The following DOCK3 variants were observed in gnomAD, a reference collection of about 807,000 sequenced individuals.
DOCK3 encodes the protein dedicator of cytokinesis 3, also known as dedicator of cytokinesis protein 3.
A neutral mutation model predicts 265.6 loss-of-function variants in DOCK3; 60 were observed. The ratio of observed to expected loss-of-function variants is 0.23; its 90% CI spans 0.18 to 0.28. The LOEUF is 0.28. DOCK3 is among the 10% of genes least tolerant of loss of function. The pLI is 1.00. For missense variants in DOCK3, 1,981 were observed against 2,594.3 expected (o/e 0.76, Z 5.14); for synonymous variants, 881 against 938.0 (o/e 0.94, Z 1.11).
At chr3:51,215,818 T>C (rs540539017) in intron 14 of DOCK3, among the ~76,000 whole-genome samples, 109 of 152,276 alleles carry the variant, frequency 7.2e-4, no homozygotes, top group African/African-American at 2.6e-3. Flanking sequence ...AGATCAGTTA[T>C]GTTTTTCTCT....
At chr3:51,049,400 A>G (rs2080903916) in intron 5 of DOCK3, among the ~76,000 whole-genome samples, 1 of 152,180 alleles carries the variant, frequency 6.6e-6, no homozygotes, top group South Asian at 2.1e-4. Flanking sequence ...GTGAAAAGAA[A>G]TATCAGGAGC....
intron 1 of DOCK3, among the ~76,000 whole-genome samples, chr3:50,749,850 T>A (rs2039677928): frequency 6.6e-6 from 1 of 152,222 alleles, no homozygotes; most frequent in African/African-American, 2.4e-5. Context: ...CTTTGGGGTA[T>A]AGCCTAACTC....
At chr3:51,033,480 G>A (rs1448000783) in intron 5 of DOCK3, among the ~76,000 whole-genome samples, 1 of 152,140 alleles carries the variant, frequency 6.6e-6, no homozygotes, top group Non-Finnish European at 1.5e-5. Context: ...ATAAAGCCAT[G>A]TTTTATCTCC....
intron 35 of DOCK3, among the ~76,000 whole-genome samples, chr3:51,334,200 A>T (rs1052981137): frequency 2.0e-5 from 3 of 152,168 alleles, no homozygotes; most frequent in African/African-American, 7.2e-5. Context: ...ATGGCTTTTG[A>T]ATTAGTCCAA....
At chr3:51,370,113 T>TA (rs2087562761) in intron 49 of DOCK3, among the ~76,000 whole-genome samples, 1 of 152,190 alleles carries the variant, frequency 6.6e-6, no homozygotes, top group Non-Finnish European at 1.5e-5. Context: ...TGATATGTGT[T>TA]ATCAAGAAGG....
chr3:50,862,915 A>G (rs923893404), intron 3 of DOCK3, among the ~76,000 whole-genome samples: 1 of 152,168 alleles, frequency 6.6e-6, no homozygotes, highest in Admixed American at 6.5e-5. Context: ...CCAAGTACAC[A>G]CGTGTCACCC....
chr3:50,771,844 C>A (rs957104099), intron 1 of DOCK3, among the ~76,000 whole-genome samples: 9 of 152,070 alleles, frequency 5.9e-5, no homozygotes, highest in Admixed American at 2.6e-4. Flanking sequence ...GAGCGAGACT[C>A]CATCTCAAAA....
intron 2 of DOCK3, among the ~76,000 whole-genome samples, chr3:50,783,871 T>A (rs2042048262): frequency 6.8e-6 from 1 of 147,602 alleles, no homozygotes; most frequent in African/African-American, 2.5e-5. Flanking sequence ...TTGAGTTGAT[T>A]TTTTTTTTTT....
chr3:51,035,109 T>C (rs2080214343), intron 5 of DOCK3, among the ~76,000 whole-genome samples: 2 of 152,116 alleles, frequency 1.3e-5, no homozygotes, highest in Admixed American at 6.6e-5. Context: ...GCATTTCTTG[T>C]AGTTTAGAAT....
chr3:50,765,072 GTTTTTTTTTTT>G (rs34672189), intron 1 of DOCK3, among the ~76,000 whole-genome samples: 25 of 47,434 alleles, frequency 5.3e-4, no homozygotes, highest in African/African-American at 2.0e-3. Context: ...ACTTTCTTAG[GTTTTTTTTTTT>G]TTTTTTTTTT....
At chr3:50,911,514 G>A (rs2049851640) in intron 4 of DOCK3, among the ~76,000 whole-genome samples, 1 of 151,966 alleles carries the variant, frequency 6.6e-6, no homozygotes, top group Non-Finnish European at 1.5e-5. Flanking sequence ...ATTGCTCTAT[G>A]TATCTGTTTT....
intron 5 of DOCK3, among the ~76,000 whole-genome samples, chr3:51,049,011 T>TA (rs1308893953): frequency 5.9e-5 from 9 of 152,210 alleles, no homozygotes; most frequent in Admixed American, 6.5e-5. Flanking sequence ...GGTCTCTACT[T>TA]ACAATGCTGT....
intron 1 of DOCK3, among the ~76,000 whole-genome samples, chr3:50,726,393 G>A (rs1044985570): frequency 5.9e-5 from 9 of 152,144 alleles, no homozygotes; most frequent in Non-Finnish European, 1.0e-4. Flanking sequence ...TTTGTAAAGT[G>A]TATATTGGAG....
At chr3:50,798,567 G>A (rs1476330535) in intron 2 of DOCK3, among the ~76,000 whole-genome samples, 1 of 151,910 alleles carries the variant, frequency 6.6e-6, no homozygotes, top group East Asian at 1.9e-4. Flanking sequence ...TGCCCATTTT[G>A]TAATTGGATT....
chr3:51,313,774 T>C (rs1444068088), intron 31 of DOCK3, among the ~76,000 whole-genome samples: 1 of 152,198 alleles, frequency 6.6e-6, no homozygotes, highest in Non-Finnish European at 1.5e-5. Context: ...CTTCTATTCA[T>C]GAGTGGGGAT....
At chr3:50,789,670 C>T (rs2042362526) in intron 2 of DOCK3, among the ~76,000 whole-genome samples, 1 of 152,132 alleles carries the variant, frequency 6.6e-6, no homozygotes, top group South Asian at 2.1e-4. Context: ...GTGTTAGGTG[C>T]ATATATATCT....
At chr3:51,053,352 G>A (rs1482257120) in intron 5 of DOCK3, among the ~76,000 whole-genome samples, 1 of 150,566 alleles carries the variant, frequency 6.6e-6, no homozygotes, top group Admixed American at 6.6e-5. Flanking sequence ...TAAGAATTAA[G>A]CTCCGAATGC....
intron 1 of DOCK3, among the ~76,000 whole-genome samples, chr3:50,756,681 T>C (rs2040181863): frequency 6.6e-6 from 1 of 152,138 alleles, no homozygotes; most frequent in African/African-American, 2.4e-5. Flanking sequence ...TTTTCACCAA[T>C]AATGCATCCT....
Position 51,348,881 on chromosome 3 carries a change from G to T in DOCK3, c.3945G>T (p.Arg1315Ser). Reference sequence around the variant, plus strand: ...GGGAGTTTGGGATCCCACTGTGCAGGGAGCTGGCGTGTCAGTACGAGAGCC... The same window carrying T: ...GGGAGTTTGGGATCCCACTGTGCAGTGAGCTGGCGTGTCAGTACGAGAGCC... ...KSWEFGIPLCRELACQYESLY... is the reference protein window; with the variant it reads ...KSWEFGIPLCSELACQYESLY... Residue 1315 changes from arginine (R) to serine (S), a missense_variant, in exon 39 of 53, where the codon AGG (arginine) becomes AGT (serine). By Grantham distance (110) the Arg-to-Ser change is moderately radical (BLOSUM62 -1). Coordinates refer to ENST00000266037, the MANE Select transcript of DOCK3 (RefSeq NM_004947.5). The T allele has an allele frequency of 6.3e-7, 1 of 1,585,320 alleles. No homozygotes were observed. The highest frequency in any genetic ancestry group is 2.3e-5 in the East Asian group (1 of 43,332).
Sources: allele counts gnomAD v4.1 joint callset (sites outside exome capture counted in the v4.1 genomes callset), GRCh38; gene constraint gnomAD v4.1.1; transcripts MANE v1.5; gene names NCBI Gene and HGNC (gene_info 2026-07-23, HGNC 2026-07-21).